Variants in ATG7 observed in about 807,000 individuals in gnomAD.
ATG7 encodes autophagy related 7.
A neutral mutation model predicts 82.4 loss-of-function variants in ATG7; 70 were observed. The ratio of observed to expected loss-of-function variants is 0.85; its 90% CI spans 0.70 to 1.04. The LOEUF is 1.04. Among genes scored for constraint, ATG7 ranks in the 50% least tolerant of loss-of-function variants. The pLI is 0.00. For missense variants in ATG7, 792 were observed against 864.3 expected (o/e 0.92, Z 1.05); for synonymous variants, 287 against 313.0 (o/e 0.92, Z 0.88).
chr3:11,450,430 TCCTAC>T (rs2084998894), intron 20 of ATG7, among the ~76,000 whole-genome samples: 3 of 152,232 alleles, frequency 2.0e-5, no homozygotes, highest in Non-Finnish European at 4.4e-5. Context: ...TTTCCACAGA[TCCTAC>T]CTCTTTAGGT....
Position 11,368,008 on chromosome 3 carries a change from C to G in ATG7, c.1875+3274C>G, listed in dbSNP as rs1359111064. Among the ~76,000 whole-genome samples, 3 of 151,750 alleles carry G rather than the reference C, an allele frequency of 2.0e-5. No homozygotes were observed. The South Asian group carries it at 6.2e-4, about 31-fold the overall frequency. ...AACTATCAAGCACCTTCAATGCCCCCCTCATGCCTCTTCGGATTATTATTG... is the reference window on the plus strand; with the variant it reads ...AACTATCAAGCACCTTCAATGCCCCGCTCATGCCTCTTCGGATTATTATTG... On this transcript the variant is annotated intron_variant, in intron 18 of 20. Coordinates refer to ENST00000693202, the MANE Select transcript of ATG7 (RefSeq NM_001349232.2).
chr3:11,309,984 G>T (rs1051655287), intron 7 of ATG7, among the ~76,000 whole-genome samples: 1 of 151,898 alleles, frequency 6.6e-6, no homozygotes, highest in East Asian at 1.9e-4. Flanking sequence ...GACCAGCCTG[G>T]GCAACACCTT....
rs751682075 is a variant in ATG7 at position 11,342,292 on chromosome 3, TG to T, written c.1125+19del. Reference sequence around the variant, plus strand: ...TAGGACGTTGATGGTAAGTCGGAGGTGGGGGGTGCAAATGGCACCTTTGAAG... The same window carrying T: ...TAGGACGTTGATGGTAAGTCGGAGGTGGGGGTGCAAATGGCACCTTTGAAG... On this transcript the variant is annotated intron_variant, in intron 13 of 20. Coordinates refer to ENST00000693202, the MANE Select transcript of ATG7 (RefSeq NM_001349232.2). 72 of 1,606,530 alleles carry T rather than the reference TG, an allele frequency of 4.5e-5. No individual in the cohort carries two copies. The East Asian group carries it at 1.3e-3, about 29-fold the overall frequency.
At chr3:11,418,781 G>C (rs1576277573) in intron 19 of ATG7, among the ~76,000 whole-genome samples, 1 of 152,162 alleles carries the variant, frequency 6.6e-6, no homozygotes. Context: ...AAGAAAAGAG[G>C]TTTAATTGAC....
intron 11 of ATG7, among the ~76,000 whole-genome samples, chr3:11,335,103 A>G (rs927542394): frequency 1.3e-5 from 2 of 152,106 alleles, no homozygotes; most frequent in African/African-American, 2.4e-5. Flanking sequence ...AAAGATTGAC[A>G]GAGTACTTCT....
intron 20 of ATG7, among the ~76,000 whole-genome samples, chr3:11,461,903 G>C (rs1361545978): frequency 6.6e-6 from 1 of 151,884 alleles, no homozygotes; most frequent in African/African-American, 2.4e-5. Context: ...GGTGGCGGGC[G>C]CCTGTAGTCC....
intron 5 of ATG7, among the ~76,000 whole-genome samples, chr3:11,302,779 G>T (rs916900101): frequency 2.0e-5 from 3 of 152,156 alleles, no homozygotes; most frequent in Non-Finnish European, 2.9e-5. Flanking sequence ...GAGTATCTCA[G>T]CTTTGCATAG....
intron 20 of ATG7, among the ~76,000 whole-genome samples, chr3:11,507,869 T>C (rs2091824867): frequency 6.6e-6 from 1 of 151,994 alleles, no homozygotes; most frequent in African/African-American, 2.4e-5. Flanking sequence ...TCCCATCTCA[T>C]TGGCCAACAT....
intron 7 of ATG7, among the ~76,000 whole-genome samples, chr3:11,312,070 T>A (rs764280126): frequency 5.9e-5 from 9 of 151,780 alleles, no homozygotes; most frequent in Non-Finnish European, 1.0e-4. Context: ...TTTGGAGTGA[T>A]GAAAATATTC....
At chr3:11,340,126 G>T (rs1953285833) in intron 11 of ATG7, among the ~76,000 whole-genome samples, 2 of 152,058 alleles carry the variant, frequency 1.3e-5, no homozygotes, top group African/African-American at 4.8e-5. Context: ...TTAAAGGAAA[G>T]GGCAGCTTAA....
intron 3 of ATG7, among the ~76,000 whole-genome samples, chr3:11,292,968 G>A (rs765279254): frequency 6.6e-6 from 1 of 152,184 alleles, no homozygotes; most frequent in Non-Finnish European, 1.5e-5. Flanking sequence ...CTAGGAATTA[G>A]TGCTTTATTG....
At chr3:11,568,784 G>T in the ATG7 span, 5 of 1,469,844 alleles carry the variant, frequency 3.4e-6, no homozygotes, top group South Asian at 1.4e-5. This position sits in a 1 kb window ranked among gnomAD's most constrained non-coding sequence, Gnocchi z 5.9. Context: ...TCCTGGTCAG[G>T]ACTGTGCCCG....
the ATG7 span, among the ~76,000 whole-genome samples, chr3:11,563,058 A>G: frequency 6.6e-6 from 1 of 152,228 alleles, no homozygotes; most frequent in African/African-American, 2.4e-5. Flanking sequence ...CCGAAAACCA[A>G]CTGCAAGATT....
Position 11,323,324 on chromosome 3 carries a change from A to G in ATG7, c.678+7831A>G, listed in dbSNP as rs76796695. Among the ~76,000 whole-genome samples the G allele has an allele frequency of 1.1e-3, 160 of 152,202 alleles. 5 individuals carry two copies. The East Asian group carries it at 0.027, about 26-fold the overall frequency. ...CTCCCAGAAAAGCCTGTATGGGCCA[A>G]CTCCAGCACAACACTGCTTATCATA... On this transcript the variant is annotated intron_variant, in intron 9 of 20. Coordinates refer to ENST00000693202, the MANE Select transcript of ATG7 (RefSeq NM_001349232.2).
chr3:11,519,539 GTTTTTTTTTTTTTTTTTTTTTTTTTT>G (rs574523805), intron 20 of ATG7, among the ~76,000 whole-genome samples: 2 of 62,154 alleles, frequency 3.2e-5, no homozygotes, highest in Non-Finnish European at 6.7e-5. Flanking sequence ...AGTGAGAGGA[GTTTTTTTTTTTTTTTTTTTTTTTTTT>G]TTTTTTTTTT....
intron 3 of ATG7, 69 bp from the exon 4 acceptor site, chr3:11,298,617 A>G (rs531759656): frequency 2.1e-6 from 3 of 1,452,706 alleles, no homozygotes; most frequent in Non-Finnish European, 2.8e-6. Context: ...ACTTTATTAC[A>G]AATGTTCTTT....
At chr3:11,373,170 C>T (rs2077156732) in intron 18 of ATG7, among the ~76,000 whole-genome samples, 1 of 142,840 alleles carries the variant, frequency 7.0e-6, no homozygotes, top group Admixed American at 7.0e-5. Flanking sequence ...TACGTTATGA[C>T]TAACTCCAAA....
intron 3 of ATG7, among the ~76,000 whole-genome samples, chr3:11,287,891 A>C (rs921916984): frequency 6.6e-6 from 1 of 152,262 alleles, no homozygotes; most frequent in Non-Finnish European, 1.5e-5. Flanking sequence ...TCAAAGAATC[A>C]AAAGATAACA....
intron 20 of ATG7, chr3:11,446,453 A>G (rs556466850): frequency 9.6e-6 from 4 of 416,186 alleles, no homozygotes; most frequent in East Asian, 8.0e-5. Flanking sequence ...TTTAGTCCGT[A>G]GGGGAAACTT....
Sources: gnomAD v4.1 joint callset for allele counts (sites outside exome capture counted in the v4.1 genomes callset) on GRCh38, gnomAD v4.1.1 for gene constraint, Gnocchi (gnomAD v3.1) non-coding constraint, MANE v1.5 for transcripts, NCBI Gene and HGNC (gene_info 2026-07-23, HGNC 2026-07-21) for gene names.